The following CHST9 variants were observed in gnomAD, a reference collection of about 807,000 sequenced individuals.
The protein encoded by CHST9 is carbohydrate sulfotransferase 9, also known as GalNAc-4-sulfotransferase 2.
A neutral mutation model predicts 44.4 loss-of-function variants in CHST9; 41 were observed. That is an observed-to-expected ratio of 0.92 (90% CI 0.72 to 1.20). The LOEUF (loss-of-function observed/expected upper bound fraction) is 1.20, where lower values mean the gene tolerates loss of function less well. Ranked by LOEUF, CHST9 falls within the 50% of genes most tolerant of loss-of-function variation. CHST9 has a pLI of 0.00. For synonymous variants in CHST9, 171 were observed against 178.4 expected (o/e 0.96, Z 0.33); for missense variants, 504 against 516.5 (o/e 0.98, Z 0.23).
chr18:26,941,067 T>C (rs2056075341), intron 5 of CHST9, among the ~76,000 whole-genome samples: 1 of 152,226 alleles, frequency 6.6e-6, no homozygotes, highest in Admixed American at 6.5e-5. Flanking sequence ...CCCCGTATTT[T>C]GTATGTGAGA....
rs573401838 is a variant in CHST9, at chr18:27,145,626, A to T, written c.-96-2721T>A. Among the ~76,000 whole-genome samples, 3 of 152,332 alleles carry T rather than the reference A, an allele frequency of 2.0e-5. No homozygotes were observed. In the South Asian group the frequency reaches 6.2e-4, roughly 32 times the overall value. ...AGGGGCAACTGTTTAACATTTCACT[A>T]GTGCTTTTGAGGATTTCAGACATTT... On this transcript the variant is annotated intron_variant, in intron 1 of 5. Coordinates refer to ENST00000618847, the MANE Select transcript of CHST9 (RefSeq NM_031422.6).
At chr18:27,057,918 C>A (rs1189577606) in intron 2 of CHST9, among the ~76,000 whole-genome samples, 1 of 152,216 alleles carries the variant, frequency 6.6e-6, no homozygotes, top group East Asian at 1.9e-4. Flanking sequence ...CCACTGAGAT[C>A]TACCCGACAA....
rs1044001407 is a variant in CHST9 at position 27,050,195 on chromosome 18, T to C, written c.122-1692A>G. Among the ~76,000 whole-genome samples, 5 of 152,164 alleles carry C rather than the reference T, an allele frequency of 3.3e-5. No individual in the cohort carries two copies. In the East Asian group the frequency reaches 9.6e-4, roughly 29 times the overall value. On this transcript the variant is annotated intron_variant, in intron 2 of 5. Coordinates refer to ENST00000618847, the MANE Select transcript of CHST9 (RefSeq NM_031422.6). ...GACATGGCTTCTTGTTTATCAACTT[T>C]GGCAGCCTCCAAATGAGTTGAATAA...
At chr18:27,106,301 G>A (rs2058220749) in intron 2 of CHST9, among the ~76,000 whole-genome samples, 1 of 152,208 alleles carries the variant, frequency 6.6e-6, no homozygotes, top group South Asian at 2.1e-4. Flanking sequence ...AATTAGTTGA[G>A]CCTCAACTTT....
intron 2 of CHST9, among the ~76,000 whole-genome samples, chr18:27,124,208 G>T (rs2058400214): frequency 6.6e-6 from 1 of 152,188 alleles, no homozygotes; most frequent in African/African-American, 2.4e-5. Flanking sequence ...AATTGCTTCA[G>T]GGAAGAAGGC....
At position 26,973,024 on chromosome 18, in the gene CHST9, C is replaced by T. The variant is rs541678441; in HGVS notation, c.203-28658G>A. On this transcript the variant is annotated intron_variant, in intron 4 of 5. Transcript: ENST00000618847. ...ACTTGATTACAACAAATTCTTCCAG[C>T]CTCGCGGACATTCCCTTTACCTAGA... is the stretch of plus-strand genomic sequence containing the variant. Among the ~76,000 whole-genome samples the T allele has an allele frequency of 2.0e-5, 3 of 152,298 alleles. No homozygotes were observed. In the East Asian group the frequency reaches 5.8e-4, roughly 29 times the overall value.
intron 1 of CHST9, among the ~76,000 whole-genome samples, chr18:27,157,922 A>G (rs780089397): frequency 6.6e-6 from 1 of 152,126 alleles, no homozygotes; most frequent in Non-Finnish European, 1.5e-5. Flanking sequence ...AGTTTAGTTA[A>G]CTAATCAATG....
intron 1 of CHST9, among the ~76,000 whole-genome samples, chr18:27,148,060 A>G (rs1373233364): frequency 2.6e-5 from 4 of 151,628 alleles, no homozygotes; most frequent in Admixed American, 6.6e-5. Context: ...GTTCTCCTCT[A>G]TGTGTCCACA....
chr18:27,000,893 A>AC (rs548086629), intron 4 of CHST9, among the ~76,000 whole-genome samples: 94 of 151,724 alleles, frequency 6.2e-4, no homozygotes, highest in East Asian at 5.1e-3. Context: ...CTCAAGATTC[A>AC]CCCCCCCATC....
At chr18:27,174,763 G>C (rs1485324406) in intron 1 of CHST9, among the ~76,000 whole-genome samples, 1 of 151,926 alleles carries the variant, frequency 6.6e-6, no homozygotes, top group African/African-American at 2.4e-5. Flanking sequence ...TGGGTTCACG[G>C]ATACTTTTCT....
chr18:27,002,007 A>G (rs994142720), intron 4 of CHST9, among the ~76,000 whole-genome samples: 6 of 152,254 alleles, frequency 3.9e-5, no homozygotes, highest in African/African-American at 1.4e-4. Flanking sequence ...CTGCAGAAAG[A>G]CAATTTTTTA....
chr18:27,105,545 GGAGAA>G (rs1159191025), intron 2 of CHST9, among the ~76,000 whole-genome samples: 5 of 152,130 alleles, frequency 3.3e-5, no homozygotes, highest in African/African-American at 7.2e-5. Flanking sequence ...CCAAAGTAGA[GGAGAA>G]GAGAAGAGAA....
At chr18:27,014,048 A>C (rs2057116891) in intron 4 of CHST9, among the ~76,000 whole-genome samples, 1 of 152,222 alleles carries the variant, frequency 6.6e-6, no homozygotes, top group Admixed American at 6.5e-5. Context: ...AACAAATATT[A>C]AATAACAAGA....
intron 2 of CHST9, among the ~76,000 whole-genome samples, chr18:27,122,296 A>C (rs1375132370): frequency 6.6e-6 from 1 of 152,198 alleles, no homozygotes; most frequent in Non-Finnish European, 1.5e-5. Flanking sequence ...AAATGAAACA[A>C]CCTTAATAAA....
chr18:27,060,851 T>G (rs1232362119), intron 2 of CHST9, among the ~76,000 whole-genome samples: 1 of 152,208 alleles, frequency 6.6e-6, no homozygotes, highest in Admixed American at 6.5e-5. Flanking sequence ...AAACTCAAAT[T>G]CCTGGGCTCA....
intron 1 of CHST9, among the ~76,000 whole-genome samples, chr18:27,184,027 CAAAG>C (rs1156325664): frequency 6.6e-6 from 1 of 151,886 alleles, no homozygotes; most frequent in African/African-American, 2.4e-5. Context: ...TAAAATTGTA[CAAAG>C]ATAGATTAAT....
At chr18:26,917,834 G>A (rs1275811808) in intron 5 of CHST9, among the ~76,000 whole-genome samples, 1 of 151,762 alleles carries the variant, frequency 6.6e-6, no homozygotes, top group African/African-American at 2.4e-5. Context: ...TATAAATCTC[G>A]ATGACCACTT....
intron 5 of CHST9, among the ~76,000 whole-genome samples, chr18:26,929,304 T>G (rs1019790119): frequency 2.0e-4 from 30 of 152,202 alleles, no homozygotes; most frequent in Non-Finnish European, 5.9e-5. Context: ...TGCCAAAATA[T>G]CAGCCCTCTG....
At chr18:27,181,128 C>G (rs1352833524) in intron 1 of CHST9, among the ~76,000 whole-genome samples, 4 of 152,178 alleles carry the variant, frequency 2.6e-5, no homozygotes, top group Admixed American at 2.6e-4. Flanking sequence ...TAAAAATGAT[C>G]TTATCTGCTT....
Sources: gnomAD v4.1 joint callset for allele counts (sites outside exome capture counted in the v4.1 genomes callset) on GRCh38, gnomAD v4.1.1 for gene constraint, MANE v1.5 for transcripts, NCBI Gene and HGNC (gene_info 2026-07-23, HGNC 2026-07-21) for gene names.